Variants in WWP2 observed in about 807,000 individuals in gnomAD.
The protein encoded by WWP2 is WW domain containing E3 ubiquitin protein ligase 2, also known as NEDD4-like E3 ubiquitin-protein ligase WWP2.
Under a neutral mutation model 121.0 loss-of-function variants are expected in WWP2, and 57 were observed. The observed-to-expected ratio is 0.47, with a 90% confidence interval of 0.38 to 0.59. The LOEUF (loss-of-function observed/expected upper bound fraction) is 0.59. Among genes scored for constraint, WWP2 ranks in the 20% least tolerant of loss-of-function variants. The pLI, the probability that WWP2 is intolerant of heterozygous loss-of-function variation, is 0.00. For missense variants in WWP2, 962 were observed against 1,158.9 expected, an observed-to-expected ratio of 0.83 and a Z score of 2.47; for synonymous variants, 449 against 441.3, an observed-to-expected ratio of 1.02 and a Z score of -0.22.
intron 9 of WWP2, 117 bp from the exon 10 acceptor site, chr16:69,917,592 C>G: frequency 7.2e-6 from 9 of 1,253,784 alleles, no homozygotes; most frequent in Non-Finnish European, 9.9e-6. Flanking sequence ...TCAGCTAAGC[C>G]CCAGCAACCT....
intron 7 of WWP2, among the ~76,000 whole-genome samples, chr16:69,885,102 TACACACACACACACAC>T (rs3051438): frequency 6.4e-5 from 9 of 139,942 alleles, no homozygotes; most frequent in South Asian, 2.4e-4. Context: ...AAACTCCTCC[TACACACACACACACAC>T]ACACACACAC....
At chr16:69,784,737 C>T (rs900096345) in intron 1 of WWP2, among the ~76,000 whole-genome samples, 10 of 152,134 alleles carry the variant, frequency 6.6e-5, no homozygotes, top group South Asian at 4.1e-4. Flanking sequence ...GGAAAAAGCA[C>T]GGTTGTTTGA....
At chr16:69,853,572 C>T (rs2057257301) in intron 6 of WWP2, among the ~76,000 whole-genome samples, 1 of 152,094 alleles carries the variant, frequency 6.6e-6, no homozygotes, top group Non-Finnish European at 1.5e-5. Flanking sequence ...TGCGTCAGGG[C>T]GGGCATATGG....
intron 10 of WWP2, chr16:69,924,969 G>C: frequency 1.0e-6 from 1 of 988,072 alleles, no homozygotes; most frequent in South Asian, 4.6e-5. Flanking sequence ...GATTTCATTG[G>C]AAAGGCCTGC....
intron 4 of WWP2, among the ~76,000 whole-genome samples, chr16:69,819,423 A>G (rs562616385): frequency 2.2e-4 from 33 of 152,166 alleles, no homozygotes; most frequent in Non-Finnish European, 4.3e-4. Flanking sequence ...CCCTCGGGCC[A>G]CAGGTCTCCC....
At chr16:69,860,692 T>A (rs182964376) in intron 6 of WWP2, among the ~76,000 whole-genome samples, 3 of 152,212 alleles carry the variant, frequency 2.0e-5, no homozygotes, top group Admixed American at 2.0e-4. Flanking sequence ...TCCTGCCTTG[T>A]GATTTGTCGT....
intron 4 of WWP2, among the ~76,000 whole-genome samples, chr16:69,804,839 A>G (rs1287792787): frequency 1.3e-5 from 2 of 152,176 alleles, no homozygotes; most frequent in African/African-American, 4.8e-5. Flanking sequence ...ATTAATTCAA[A>G]TAATTTTGAA....
chr16:69,876,439 ACTATAACCTACACCTCC>A (rs2057738066), intron 7 of WWP2, among the ~76,000 whole-genome samples: 1 of 150,244 alleles, frequency 6.7e-6, no homozygotes, highest in South Asian at 2.1e-4. Flanking sequence ...ATCTTGGCTC[ACTATAACCTACACCTCC>A]CGGGTTCAAG....
chr16:69,781,441 GCTCAAGGGATCCTCCCAA>G (rs1351343945), intron 1 of WWP2, among the ~76,000 whole-genome samples: 1 of 152,128 alleles, frequency 6.6e-6, no homozygotes, highest in Non-Finnish European at 1.5e-5. Context: ...GACCTCCTGG[GCTCAAGGGATCCTCCCAA>G]CTCTGTGGTC....
intron 4 of WWP2, among the ~76,000 whole-genome samples, chr16:69,805,128 C>T (rs2056248438): frequency 6.6e-6 from 1 of 151,872 alleles, no homozygotes; most frequent in African/African-American, 2.4e-5. Flanking sequence ...CAATCTCCAC[C>T]TCCTGGGTTC....
At chr16:69,787,532 G>A (rs886137648) in intron 2 of WWP2, among the ~76,000 whole-genome samples, 3 of 152,230 alleles carry the variant, frequency 2.0e-5, no homozygotes, top group Non-Finnish European at 4.4e-5. Flanking sequence ...CAAGGCTGCA[G>A]TGAGCTGTGA....
intron 9 of WWP2, among the ~76,000 whole-genome samples, chr16:69,910,676 T>C (rs928981889): frequency 6.6e-6 from 1 of 152,240 alleles, no homozygotes; most frequent in African/African-American, 2.4e-5. Context: ...CCCAAAGTGC[T>C]GGGATTACAG....
At chr16:69,823,075 G>C (rs2056622424) in intron 4 of WWP2, among the ~76,000 whole-genome samples, 1 of 152,168 alleles carries the variant, frequency 6.6e-6, no homozygotes, top group Admixed American at 6.5e-5. Context: ...AGATTGCAGT[G>C]AGCCAAGATC....
intron 7 of WWP2, among the ~76,000 whole-genome samples, chr16:69,883,868 A>C (rs1229492729): frequency 6.6e-6 from 1 of 152,198 alleles, no homozygotes; most frequent in Non-Finnish European, 1.5e-5. Context: ...ATAAACAGTC[A>C]GATCCGAGTA....
chr16:69,929,698 T>C (rs576308031), intron 12 of WWP2, among the ~76,000 whole-genome samples, 169 bp downstream of exon 12: 1 of 152,310 alleles, frequency 6.6e-6, no homozygotes, highest in East Asian at 1.9e-4. Context: ...GTTGGCCTGA[T>C]GAGAGCTTAA....
intron 11 of WWP2, among the ~76,000 whole-genome samples, chr16:69,927,588 C>T (rs1355521134): frequency 6.6e-6 from 1 of 152,228 alleles, no homozygotes; most frequent in Non-Finnish European, 1.5e-5. Flanking sequence ...CCAGAAATGA[C>T]GACACAGGCC....
intron 4 of WWP2, among the ~76,000 whole-genome samples, chr16:69,832,384 A>G (rs937020163): frequency 2.0e-5 from 3 of 152,100 alleles, no homozygotes; most frequent in Admixed American, 6.6e-5. Context: ...TTAATATTTT[A>G]GTGTATTTCT....
At chr16:69,909,066 A>G (rs576715080) in intron 9 of WWP2, 12 of 1,333,904 alleles carry the variant, frequency 9.0e-6, no homozygotes, top group Non-Finnish European at 1.2e-5. Context: ...CAAAAGGCGC[A>G]TGGGAGGCCA....
chr16:69,793,911 CTTTTTTTTT>C (rs71151135), intron 2 of WWP2, among the ~76,000 whole-genome samples: 126 of 62,362 alleles, frequency 2.0e-3, no homozygotes, highest in Non-Finnish European at 3.1e-3. Flanking sequence ...ATTATCCTTG[CTTTTTTTTT>C]TTTTTTTTTT....
Sources: gnomAD v4.1 joint callset for allele counts (sites outside exome capture counted in the v4.1 genomes callset) on GRCh38, gnomAD v4.1.1 for gene constraint, MANE v1.5 for transcripts, NCBI Gene and HGNC (gene_info 2026-07-23, HGNC 2026-07-21) for gene names.